ELOVL6: variants seen among roughly 807,000 people sequenced by gnomAD.
ELOVL6 encodes ELOVL fatty acid elongase 6, also known as very long chain fatty acid elongase 6.
Under a neutral mutation model 31.7 loss-of-function variants are expected in ELOVL6, and 8 were observed. That is an observed-to-expected ratio of 0.25 (90% CI 0.15 to 0.45). ELOVL6 has a LOEUF of 0.45. Among genes scored for constraint, ELOVL6 ranks in the 20% least tolerant of loss-of-function variants. The pLI is 1.00. For missense variants in ELOVL6, 126 were observed against 326.4 expected (o/e 0.39, Z 4.73); for synonymous variants, 101 against 117.7 (o/e 0.86, Z 0.92).
intron 3 of ELOVL6, among the ~76,000 whole-genome samples, chr4:110,058,653 A>G (rs192973985): frequency 4.6e-5 from 7 of 152,322 alleles, no homozygotes; most frequent in African/African-American, 1.7e-4. Flanking sequence ...TAGGAGAAAC[A>G]GGAGAGGGGA....
At chr4:110,158,006 T>C (rs934997817) in intron 1 of ELOVL6, among the ~76,000 whole-genome samples, 6 of 152,224 alleles carry the variant, frequency 3.9e-5, no homozygotes, top group Non-Finnish European at 7.3e-5. Flanking sequence ...ACTTTATATA[T>C]AAACACAAAG....
chr4:110,131,707 A>G (rs1757674690), intron 1 of ELOVL6, among the ~76,000 whole-genome samples: 1 of 152,224 alleles, frequency 6.6e-6, no homozygotes, highest in Non-Finnish European at 1.5e-5. Flanking sequence ...AATATTAACA[A>G]CAACCAAATG....
chr4:110,194,548 A>G (rs1242530912), intron 1 of ELOVL6, among the ~76,000 whole-genome samples: 1 of 152,236 alleles, frequency 6.6e-6, no homozygotes, highest in Admixed American at 6.5e-5. Flanking sequence ...GCCAATGAGT[A>G]TGAGGTTAAT....
intron 1 of ELOVL6, among the ~76,000 whole-genome samples, chr4:110,153,824 A>G (rs1419262521): frequency 1.3e-5 from 2 of 152,208 alleles, no homozygotes; most frequent in Non-Finnish European, 1.5e-5. Context: ...TGAAATAACT[A>G]GAAGTGGAAT....
intron 2 of ELOVL6, among the ~76,000 whole-genome samples, chr4:110,094,421 ATATATATATATATATATATAT>A (rs1560820569): frequency 3.6e-5 from 2 of 56,064 alleles, no homozygotes; most frequent in East Asian, 5.7e-4. Flanking sequence ...ATATATATAT[ATATATATATATATATATATAT>A]AATATATATA....
At chr4:110,085,720 C>T (rs1756244934) in intron 2 of ELOVL6, among the ~76,000 whole-genome samples, 1 of 152,072 alleles carries the variant, frequency 6.6e-6, no homozygotes, top group African/African-American at 2.4e-5. Context: ...ACTTCACCAC[C>T]AGAGGCTCTA....
At chr4:110,067,566 AAGG>A (rs2126225485) in intron 2 of ELOVL6, among the ~76,000 whole-genome samples, 2 of 152,332 alleles carry the variant, frequency 1.3e-5, no homozygotes, top group East Asian at 3.9e-4. Flanking sequence ...CGGTAGCAGA[AAGG>A]AGAAGTGCCA....
At chr4:110,163,719 G>A (rs1758693073) in intron 1 of ELOVL6, among the ~76,000 whole-genome samples, 1 of 152,300 alleles carries the variant, frequency 6.6e-6, no homozygotes, top group East Asian at 1.9e-4. Flanking sequence ...AACCTTAAAA[G>A]GTTGTATGAA....
At chr4:110,094,207 C>T (rs1400704308) in intron 2 of ELOVL6, among the ~76,000 whole-genome samples, 1 of 149,534 alleles carries the variant, frequency 6.7e-6, no homozygotes, top group Admixed American at 6.7e-5. Flanking sequence ...CAAGATTGTG[C>T]CACTGCACTC....
At chr4:110,084,555 C>CAGATATATATATAT (rs1560815738) in intron 2 of ELOVL6, among the ~76,000 whole-genome samples, 2 of 58,328 alleles carry the variant, frequency 3.4e-5, no homozygotes, top group African/African-American at 2.0e-4. Flanking sequence ...CACACACACA[C>CAGATATATATATAT]ACACACAGAT....
rs555945144 is a variant in ELOVL6, at chr4:110,082,180, G to A, written c.222-22426C>T. ...ACTAGTTCAACCATCGTGGAAGTCA[G>A]TGTGGCGATTCCTCAGGGATCTAGA... On this transcript the variant is annotated intron_variant, in intron 2 of 3. Transcript: ENST00000302274. Among the ~76,000 whole-genome samples the A allele has an allele frequency of 8.6e-4, 130 of 151,684 alleles. 1 individual carries two copies. The highest frequency in any genetic ancestry group is 4.3e-3 in the Admixed American group (66 of 15,250).
At chr4:110,162,111 A>T (rs1346255297) in intron 1 of ELOVL6, among the ~76,000 whole-genome samples, 1 of 152,230 alleles carries the variant, frequency 6.6e-6, no homozygotes, top group East Asian at 1.9e-4. Flanking sequence ...TAAATTTTAT[A>T]CCATGCCTAG....
At chr4:110,195,737 A>C (rs375162288) in intron 1 of ELOVL6, among the ~76,000 whole-genome samples, 3 of 152,152 alleles carry the variant, frequency 2.0e-5, no homozygotes, top group East Asian at 3.9e-4. Flanking sequence ...TCGGGTATTA[A>C]CGAGTAGTGC....
chr4:110,126,181 C>T (rs1008553716), intron 1 of ELOVL6, among the ~76,000 whole-genome samples: 8 of 152,018 alleles, frequency 5.3e-5, no homozygotes, highest in African/African-American at 1.9e-4. Flanking sequence ...GTAGCTAGGA[C>T]TACAGGCATG....
At chr4:110,158,659 T>TATATATATATATATATATATATATA (rs1560849884) in intron 1 of ELOVL6, among the ~76,000 whole-genome samples, 1 of 44,712 alleles carries the variant, frequency 2.2e-5, no homozygotes, top group Admixed American at 2.8e-4. Flanking sequence ...ATATATATAT[T>TATATATATATATATATATATATATA]TTTTTTTTTT....
chr4:110,158,192 C>CT (rs1368610884), intron 1 of ELOVL6, among the ~76,000 whole-genome samples: 1 of 152,134 alleles, frequency 6.6e-6, no homozygotes, highest in Non-Finnish European at 1.5e-5. Context: ...CCCTATTCTG[C>CT]TTTATATTAT....
At chr4:110,084,414 C>CATGATATCACATATATCATAT (rs1220119917) in intron 2 of ELOVL6, among the ~76,000 whole-genome samples, 2 of 22,892 alleles carry the variant, frequency 8.7e-5, no homozygotes, top group African/African-American at 1.5e-4. Flanking sequence ...ATATGACATA[C>CATGATATCACATATATCATAT]ATGATATATC....
chr4:110,101,650 A>T (rs973910970), intron 2 of ELOVL6, among the ~76,000 whole-genome samples: 2 of 152,072 alleles, frequency 1.3e-5, no homozygotes, highest in African/African-American at 4.8e-5. Flanking sequence ...AAATGCTGAA[A>T]TTTTTTATTT....
intron 1 of ELOVL6, among the ~76,000 whole-genome samples, chr4:110,128,767 T>G (rs1252235342): frequency 6.6e-6 from 1 of 152,208 alleles, no homozygotes; most frequent in African/African-American, 2.4e-5. Flanking sequence ...GATATAAAAT[T>G]ATGCTCCTCC....
Sources: allele counts gnomAD v4.1 joint callset (sites outside exome capture counted in the v4.1 genomes callset), GRCh38; gene constraint gnomAD v4.1.1; transcripts MANE v1.5; gene names NCBI Gene and HGNC (gene_info 2026-07-23, HGNC 2026-07-21).